The following RASA3 variants were observed in gnomAD, a reference collection of about 807,000 sequenced individuals.
RASA3 encodes the protein RAS p21 protein activator 3.
RASA3 carries 73 observed loss-of-function variants against 110.0 expected under a neutral mutation model. The ratio of observed to expected loss-of-function variants is 0.66; its 90% CI spans 0.55 to 0.81. The LOEUF is 0.81. RASA3 is among the 30% of genes least tolerant of loss of function. The probability of loss-of-function intolerance (pLI) is 0.00; values close to 1 mark genes in which losing one functional copy is unlikely to be tolerated. For synonymous variants in RASA3, 500 were observed against 451.4 expected (o/e 1.11, Z -1.37); for missense variants, 976 against 1,113.2 (o/e 0.88, Z 1.75).
At chr13:113,981,613 C>G in intron 23 of RASA3, 62 bp downstream of exon 23, 2 of 1,557,590 alleles carry the variant, frequency 1.3e-6, no homozygotes, top group Non-Finnish European at 1.8e-6. Context: ...CAGCCCCACC[C>G]CCACTGCAAT....
intron 2 of RASA3, among the ~76,000 whole-genome samples, chr13:114,069,751 T>C (rs1265529712): frequency 5.3e-4 from 1 of 1,898 alleles, no homozygotes; most frequent in Non-Finnish European, 8.5e-4. Context: ...CTGGGAGACT[T>C]GGGGGGCTGG....
At chr13:114,035,683 T>A (rs889514471) in intron 4 of RASA3, 1 of 152,372 alleles carries the variant, frequency 6.6e-6, no homozygotes, top group Non-Finnish European at 1.5e-5. Context: ...AGGACAGAGG[T>A]GCCTTGGATG....
rs567992332 is a variant in RASA3, at chr13:114,117,459, G to A, written c.55+14976C>T. Among the ~76,000 whole-genome samples, 16 of 142,556 alleles carry A rather than the reference G, an allele frequency of 1.1e-4. No homozygotes were observed. In the South Asian group the frequency reaches 2.6e-3, roughly 23 times the overall value. 93.5% of individuals were successfully genotyped at this position (142,556 alleles called of 152,430 possible). A position where few individuals can be genotyped will look rare whatever the true frequency, so the allele number is the denominator to read the frequency against. On this transcript the variant is annotated intron_variant, in intron 1 of 23. Coordinates refer to ENST00000334062, the MANE Select transcript of RASA3 (RefSeq NM_007368.4). ...TGCACATCTGTGGGTGAGCACGTGCGTGAGGGGTGCACATCTGTGGGTGAG... is the reference window on the plus strand; with the variant it reads ...TGCACATCTGTGGGTGAGCACGTGCATGAGGGGTGCACATCTGTGGGTGAG...
chr13:113,984,062 T>C (rs1488900685), intron 22 of RASA3, among the ~76,000 whole-genome samples: 4 of 61,996 alleles, frequency 6.5e-5, no homozygotes, highest in Admixed American at 1.7e-4. Flanking sequence ...ATCTACCCAT[T>C]ACTCACCCAT....
intron 1 of RASA3, among the ~76,000 whole-genome samples, chr13:114,131,803 C>T (rs55749607): frequency 0.4 from 60,280 of 151,432 alleles, 14,189 homozygotes; most frequent in Non-Finnish European, 0.53. Flanking sequence ...CACAAATACG[C>T]ACCCACACAT....
At chr13:114,038,006 G>A (rs1399356849) in intron 4 of RASA3, among the ~76,000 whole-genome samples, 2 of 151,496 alleles carry the variant, frequency 1.3e-5, no homozygotes, top group South Asian at 2.1e-4. Flanking sequence ...GTGGGAATTC[G>A]CCCCTCGCCA....
intron 22 of RASA3, among the ~76,000 whole-genome samples, chr13:113,982,708 A>T (rs74116412): frequency 0.024 from 3,621 of 152,226 alleles, 140 homozygotes; most frequent in African/African-American, 0.081. Context: ...TGAAATCCTA[A>T]CTCTCAAGGG....
rs562959093 is a variant in RASA3, at chr13:114,101,011, G to A, written c.56-27174C>T. ...TGAAACCGCAGGTGAGGGGGTGAGC[G>A]TCAGCCTGTGTCAGGCTGGACACAC... On this transcript the variant is annotated intron_variant, in intron 1 of 23. Transcript: ENST00000334062. Among the ~76,000 whole-genome samples, 27 of 152,306 alleles carry A rather than the reference G, an allele frequency of 1.8e-4. 1 individual carries two copies. Among genetic ancestry groups the A allele is most frequent in the South Asian group, 6.2e-4 (3 of 4,824 alleles).
intron 1 of RASA3, among the ~76,000 whole-genome samples, chr13:114,129,838 G>C (rs1219792164): frequency 6.6e-6 from 1 of 152,202 alleles, no homozygotes; most frequent in Non-Finnish European, 1.5e-5. Context: ...GCAGACTCAT[G>C]GGCAAATCCA....
intron 2 of RASA3, among the ~76,000 whole-genome samples, chr13:114,070,098 GGGAAACTGGGGGGCCA>G (rs1179356308): frequency 2.4e-4 from 20 of 84,536 alleles, no homozygotes; most frequent in Non-Finnish European, 4.2e-4. Flanking sequence ...TGGGGGGACC[GGGAAACTGGGGGGCCA>G]GGAGACTCGG....
At chr13:113,980,590 G>A (rs1458022290) in intron 23 of RASA3, among the ~76,000 whole-genome samples, 1 of 152,282 alleles carries the variant, frequency 6.6e-6, no homozygotes, top group Non-Finnish European at 1.5e-5. Flanking sequence ...TGGCCATGAG[G>A]TTGATGGACC....
At chr13:114,116,698 C>T (rs567425988) in intron 1 of RASA3, among the ~76,000 whole-genome samples, 2 of 152,222 alleles carry the variant, frequency 1.3e-5, no homozygotes, top group Non-Finnish European at 2.9e-5. Context: ...CACATGGAGC[C>T]TGCAGGTTTG....
chr13:114,048,314 CAA>C lies in RASA3; in HGVS notation c.277+3736_277+3737del, dbSNP rs566493305. Among the ~76,000 whole-genome samples the C allele has an allele frequency of 1.7e-4, 19 of 114,358 alleles. No individual in the cohort carries two copies. The highest frequency in any genetic ancestry group is 1.8e-4 in the Admixed American group (2 of 10,860). 75.0% of individuals were successfully genotyped at this position (114,358 alleles called of 152,430 possible). A position where few individuals can be genotyped will look rare whatever the true frequency, so the allele number is the denominator to read the frequency against. On this transcript the variant is annotated intron_variant, in intron 3 of 23. Transcript: ENST00000334062. This position sits in a 1 kb window ranked among gnomAD's most constrained non-coding sequence, Gnocchi z 4.3. ...TGGGCGACAGAAAGAGACTCCGTCTCAAAAAAAAAAAAAAAGAAGAAGAAAAG... is the reference window on the plus strand; with the variant it reads ...TGGGCGACAGAAAGAGACTCCGTCTCAAAAAAAAAAAAAGAAGAAGAAAAG...
At chr13:114,013,546 CTT>C (rs1458239826) in intron 14 of RASA3, among the ~76,000 whole-genome samples, 2 of 143,806 alleles carry the variant, frequency 1.4e-5, no homozygotes, top group East Asian at 2.1e-4. Flanking sequence ...CTCTCCCTCT[CTT>C]TGTCCCTCTG....
intron 4 of RASA3, among the ~76,000 whole-genome samples, chr13:114,031,080 TCTAC>T (rs1024628911): frequency 6.7e-5 from 10 of 150,120 alleles, no homozygotes; most frequent in Non-Finnish European, 1.0e-4. Context: ...CGACTGTGTG[TCTAC>T]CTGTGTGTGC....
At chr13:114,113,581 C>T (rs908609385) in intron 1 of RASA3, among the ~76,000 whole-genome samples, 12 of 151,630 alleles carry the variant, frequency 7.9e-5, no homozygotes, top group African/African-American at 1.2e-4. Context: ...GAGTGATGTC[C>T]GTACAGCTCA....
At chr13:114,024,874 G>T (rs1156886844) in intron 7 of RASA3, among the ~76,000 whole-genome samples, 78 of 152,010 alleles carry the variant, frequency 5.1e-4, no homozygotes, top group Admixed American at 5.0e-3. Flanking sequence ...AAGTCAAGAC[G>T]CTGCTACCTT....
intron 3 of RASA3, among the ~76,000 whole-genome samples, chr13:114,050,939 C>A (rs965909124): frequency 6.6e-6 from 1 of 152,292 alleles, no homozygotes; most frequent in South Asian, 2.1e-4. Context: ...GGAACAGGGA[C>A]GATGAAGAAA....
chr13:114,095,536 T>C (rs1254173299), intron 1 of RASA3, among the ~76,000 whole-genome samples: 1 of 152,224 alleles, frequency 6.6e-6, no homozygotes, highest in Admixed American at 6.5e-5. Context: ...TCATGTTTTC[T>C]AGATTTTTCC....
Sources: gnomAD v4.1 joint callset for allele counts (sites outside exome capture counted in the v4.1 genomes callset) on GRCh38, gnomAD v4.1.1 for gene constraint, Gnocchi (gnomAD v3.1) non-coding constraint, MANE v1.5 for transcripts, NCBI Gene and HGNC (gene_info 2026-07-23, HGNC 2026-07-21) for gene names.